EML1: variants seen among roughly 807,000 people sequenced by gnomAD.
EML1 encodes the protein EMAP like 1.
Under a neutral mutation model 110.4 loss-of-function variants are expected in EML1, and 27 were observed. The ratio of observed to expected loss-of-function variants is 0.24; its 90% CI spans 0.18 to 0.34. The LOEUF (loss-of-function observed/expected upper bound fraction) is 0.34. EML1 is among the 10% of genes least tolerant of loss of function. EML1 has a pLI of 1.00. For missense variants in EML1, 741 were observed against 1,030.9 expected (o/e 0.72, Z 3.85); for synonymous variants, 344 against 385.8 (o/e 0.89, Z 1.27).
chr14:99,744,405 C>G (rs2057079614), intron 1 of EML1, among the ~76,000 whole-genome samples: 1 of 152,226 alleles, frequency 6.6e-6, no homozygotes, highest in Admixed American at 6.5e-5. Flanking sequence ...AAGTAACCCA[C>G]CTTGCCACAG....
intron 1 of EML1, chr14:99,839,000 A>C (rs1375774015): frequency 6.6e-6 from 1 of 152,056 alleles, no homozygotes; most frequent in African/African-American, 2.4e-5. Flanking sequence ...AGGGCTCCAC[A>C]GGATGTCTTT....
intron 4 of EML1, among the ~76,000 whole-genome samples, chr14:99,887,007 T>C (rs2059488450): frequency 6.6e-6 from 1 of 152,218 alleles, no homozygotes; most frequent in Non-Finnish European, 1.5e-5. Flanking sequence ...CTCTGCGGTG[T>C]TGACCGCACT....
chr14:99,809,817 G>T (rs892454706), intron 1 of EML1: 4 of 443,918 alleles, frequency 9.0e-6, no homozygotes, highest in African/African-American at 8.1e-5. Context: ...CTGCTTTTCT[G>T]TAGAGGTATT....
chr14:99,888,473 T>C (rs2059521757), intron 4 of EML1, among the ~76,000 whole-genome samples: 1 of 152,228 alleles, frequency 6.6e-6, no homozygotes, highest in African/African-American at 2.4e-5. Flanking sequence ...ATACCTGGCT[T>C]CCCTTTGATT....
At chr14:99,776,329 C>A (rs1016676673) in intron 1 of EML1, among the ~76,000 whole-genome samples, 1 of 152,014 alleles carries the variant, frequency 6.6e-6, no homozygotes, top group South Asian at 2.1e-4. Context: ...ATGGTGAAAC[C>A]CCGTCTCAAC....
At chr14:99,846,407 C>T (rs1450908881) in intron 1 of EML1, among the ~76,000 whole-genome samples, 4 of 151,544 alleles carry the variant, frequency 2.6e-5, no homozygotes, top group African/African-American at 7.3e-5. Context: ...CTCAGCCTCC[C>T]GAGTAGCTGG....
intron 6 of EML1, 116 bp downstream of exon 6, chr14:99,894,874 T>G: frequency 7.6e-7 from 1 of 1,313,514 alleles, no homozygotes; most frequent in East Asian, 2.5e-5. Flanking sequence ...AAACAAAATG[T>G]TTTACTGTTA....
chr14:99,891,106 C>A, intron 4 of EML1, 93 bp from the exon 5 acceptor site: 1 of 1,435,102 alleles, frequency 7.0e-7, no homozygotes. Flanking sequence ...ATTTGTGTGG[C>A]AGACTACTGC....
chr14:99,831,868 T>C (rs1346749748), intron 1 of EML1, among the ~76,000 whole-genome samples: 2 of 151,810 alleles, frequency 1.3e-5, no homozygotes, highest in Non-Finnish European at 2.9e-5. Flanking sequence ...TTTTTGCTGC[T>C]TCCTCCCCTT....
intron 1 of EML1, among the ~76,000 whole-genome samples, chr14:99,775,208 C>T (rs947155977): frequency 6.6e-6 from 1 of 152,156 alleles, no homozygotes; most frequent in South Asian, 2.1e-4. Context: ...AAATCTGTTT[C>T]CTAATTACAG....
At chr14:99,938,928 C>A (rs1437200749) in intron 20 of EML1, among the ~76,000 whole-genome samples, 1 of 152,210 alleles carries the variant, frequency 6.6e-6, no homozygotes, top group Non-Finnish European at 1.5e-5. Flanking sequence ...CAAGATGAGG[C>A]CTCAAAAGAC....
chr14:99,810,483 G>A lies in EML1; in HGVS notation c.67+16940G>A, dbSNP rs188966216. Among the ~76,000 whole-genome samples the A allele has an allele frequency of 1.5e-3, 234 of 152,296 alleles. 3 individuals carry two copies. Among genetic ancestry groups the A allele is most frequent in the Middle Eastern group, 6.8e-3 (2 of 294 alleles). ...GCTGGTGTTGGCCCTTTTCATAGAT[G>A]AGGAAACTGAGGGCTAAATAGCTTC... On this transcript the variant is annotated intron_variant, in intron 1 of 21. Coordinates refer to ENST00000262233, the MANE Select transcript of EML1 (RefSeq NM_004434.3).
chr14:99,793,921 C>A (rs2057720352), intron 1 of EML1, among the ~76,000 whole-genome samples: 1 of 152,020 alleles, frequency 6.6e-6, no homozygotes, highest in African/African-American at 2.4e-5. Flanking sequence ...CGACCCACAT[C>A]TGTTTGGAAA....
At chr14:99,774,198 A>G (rs2057457470) in intron 1 of EML1, among the ~76,000 whole-genome samples, 1 of 152,166 alleles carries the variant, frequency 6.6e-6, no homozygotes, top group Non-Finnish European at 1.5e-5. Context: ...AGCTCCAAGC[A>G]AAGAGCAGAG....
intron 3 of EML1, among the ~76,000 whole-genome samples, chr14:99,866,432 T>C (rs1489291245): frequency 6.6e-6 from 1 of 151,958 alleles, no homozygotes; most frequent in Admixed American, 6.6e-5. Flanking sequence ...TATCTGAGCG[T>C]GGTGGCACAT....
chr14:99,740,194 A>C (rs905359553), intron 1 of EML1, among the ~76,000 whole-genome samples: 4 of 152,152 alleles, frequency 2.6e-5, no homozygotes, highest in African/African-American at 7.2e-5. Context: ...GGGGGCTATC[A>C]GCTCCACCGT....
At position 99,939,184 on chromosome 14, in the gene EML1, G is replaced by A. The variant is rs2060530480; in HGVS notation, c.2192-13G>A. ...TGGTGTTTCCAGCGCCCTGTTTGTG[G>A]TCTTTGTTTTAGGAGTGTGGCCAGA... On this transcript the variant is annotated splice_polypyrimidine_tract_variant and intron_variant, in intron 20 of 21. Coordinates refer to ENST00000262233, the MANE Select transcript of EML1 (RefSeq NM_004434.3). This position sits in a 1 kb window ranked among gnomAD's most constrained non-coding sequence, Gnocchi z 4.2. 6.2e-7 allele frequency: 1 copy of A among 1,613,588 alleles called. No individual in the cohort carries two copies. Among genetic ancestry groups the A allele is most frequent in the African/African-American group, 1.3e-5 (1 of 74,910 alleles).
intron 1 of EML1, among the ~76,000 whole-genome samples, chr14:99,758,572 T>A (rs1388275437): frequency 2.0e-5 from 3 of 152,146 alleles, no homozygotes; most frequent in African/African-American, 7.2e-5. Flanking sequence ...TAGAGATTAG[T>A]AGTCATTTTG....
At chr14:99,799,087 G>A (rs1357938546) in intron 1 of EML1, among the ~76,000 whole-genome samples, 1 of 152,124 alleles carries the variant, frequency 6.6e-6, no homozygotes, top group Non-Finnish European at 1.5e-5. Flanking sequence ...TATCTGCCAT[G>A]TCCCAGATCT....
Sources: allele counts gnomAD v4.1 joint callset (sites outside exome capture counted in the v4.1 genomes callset), GRCh38; gene constraint gnomAD v4.1.1; non-coding constraint Gnocchi (gnomAD v3.1); transcripts MANE v1.5; gene names NCBI Gene and HGNC (gene_info 2026-07-23, HGNC 2026-07-21).